ENOX1: variants seen among roughly 807,000 people sequenced by gnomAD.
ENOX1 encodes candidate growth-related and time keeping constitutive hydroquinone (NADH) oxidase.
Under a neutral mutation model 82.5 loss-of-function variants are expected in ENOX1, and 42 were observed. The ratio of observed to expected loss-of-function variants is 0.51; its 90% CI spans 0.40 to 0.66. The LOEUF (loss-of-function observed/expected upper bound fraction) is 0.66. ENOX1 is among the 30% of genes least tolerant of loss of function. The probability of loss-of-function intolerance (pLI) is 0.00; values close to 1 mark genes in which losing one functional copy is unlikely to be tolerated. For missense variants in ENOX1, 608 were observed against 811.6 expected, an observed-to-expected ratio of 0.75 and a Z score of 3.05; for synonymous variants, 271 against 282.2, an observed-to-expected ratio of 0.96 and a Z score of 0.40.
At chr13:43,630,951 A>G (rs561058293) in intron 2 of ENOX1, among the ~76,000 whole-genome samples, 3 of 146,410 alleles carry the variant, frequency 2.0e-5, no homozygotes, top group East Asian at 2.0e-4. Context: ...GTGTGTGTGT[A>G]TGTAATACAT....
At chr13:43,668,411 C>CGAAT (rs1262804408) in intron 1 of ENOX1, among the ~76,000 whole-genome samples, 1 of 152,148 alleles carries the variant, frequency 6.6e-6, no homozygotes, top group Non-Finnish European at 1.5e-5. Flanking sequence ...AATCACAATT[C>CGAAT]CTCTATTATA....
chr13:43,542,071 C>T (rs2078755084), intron 2 of ENOX1, among the ~76,000 whole-genome samples: 1 of 152,192 alleles, frequency 6.6e-6, no homozygotes, highest in Non-Finnish European at 1.5e-5. Context: ...GATACACTTC[C>T]CTCAACTGCA....
At chr13:43,596,159 C>T (rs928751176) in intron 2 of ENOX1, among the ~76,000 whole-genome samples, 80 of 152,186 alleles carry the variant, frequency 5.3e-4, no homozygotes, top group Admixed American at 3.3e-4. Flanking sequence ...ATTATACATT[C>T]ACATCTGGCT....
intron 5 of ENOX1, among the ~76,000 whole-genome samples, chr13:43,387,915 T>C (rs1442209298): frequency 6.6e-6 from 1 of 152,010 alleles, no homozygotes; most frequent in Non-Finnish European, 1.5e-5. Context: ...GTATAGGAGG[T>C]AAAATTGGAT....
chr13:43,462,884 T>TA (rs5803178), intron 3 of ENOX1, among the ~76,000 whole-genome samples: 72,575 of 151,526 alleles, frequency 0.48, 17,852 homozygotes, highest in African/African-American at 0.53. Flanking sequence ...CTCTGGCAAT[T>TA]AAAAAAAAAT....
At chr13:43,606,832 T>C (rs1462809456) in intron 2 of ENOX1, among the ~76,000 whole-genome samples, 1 of 151,980 alleles carries the variant, frequency 6.6e-6, no homozygotes, top group Non-Finnish European at 1.5e-5. Context: ...CTGGGCCACA[T>C]GGGAAAACCC....
At chr13:43,423,195 C>CG (rs1169652569) in intron 3 of ENOX1, among the ~76,000 whole-genome samples, 5 of 152,130 alleles carry the variant, frequency 3.3e-5, no homozygotes, top group Non-Finnish European at 7.3e-5. Flanking sequence ...AATGGCTCAA[C>CG]TCCTTCCCCT....
At chr13:43,214,144 A>T in intron 16 of ENOX1, 23 bp from the exon 17 acceptor site, 2 of 1,609,196 alleles carry the variant, frequency 1.2e-6, no homozygotes, top group Non-Finnish European at 1.7e-6. Flanking sequence ...AAGGAAAGTC[A>T]CTTTGGGGAA....
At chr13:43,422,474 T>C (rs1290189862) in intron 3 of ENOX1, among the ~76,000 whole-genome samples, 1 of 152,200 alleles carries the variant, frequency 6.6e-6, no homozygotes, top group Non-Finnish European at 1.5e-5. Context: ...AATTCCATTA[T>C]TGGTTTGTGA....
At chr13:43,674,329 A>G (rs1482962242) in intron 1 of ENOX1, among the ~76,000 whole-genome samples, 1 of 152,208 alleles carries the variant, frequency 6.6e-6, no homozygotes, top group Non-Finnish European at 1.5e-5. Flanking sequence ...AATAGGTGCT[A>G]TGAAGAAAAT....
At chr13:43,325,119 T>A (rs1270828842) in intron 10 of ENOX1, among the ~76,000 whole-genome samples, 1 of 152,182 alleles carries the variant, frequency 6.6e-6, no homozygotes, top group African/African-American at 2.4e-5. Flanking sequence ...TTTTTTTTAA[T>A]CTTGAAAATC....
intron 2 of ENOX1, among the ~76,000 whole-genome samples, chr13:43,502,990 A>AACAATAAATTT (rs2077035437): frequency 6.6e-6 from 1 of 151,672 alleles, no homozygotes; most frequent in Admixed American, 6.6e-5. Context: ...TACACACAGA[A>AACAATAAATTT]AGTGTTATAA....
intron 1 of ENOX1, among the ~76,000 whole-genome samples, chr13:43,721,105 G>A (rs1303896725): frequency 6.6e-6 from 1 of 152,134 alleles, no homozygotes; most frequent in African/African-American, 2.4e-5. Flanking sequence ...CACATACCAA[G>A]AAGTGAAATA....
At chr13:43,329,210 T>C (rs2048287833) in intron 9 of ENOX1, among the ~76,000 whole-genome samples, 1 of 152,148 alleles carries the variant, frequency 6.6e-6, no homozygotes, top group Non-Finnish European at 1.5e-5. Flanking sequence ...GTGTTAGGTA[T>C]GAATCAAGAG....
chr13:43,733,993 A>G (rs1208084666), intron 1 of ENOX1, among the ~76,000 whole-genome samples: 2 of 152,130 alleles, frequency 1.3e-5, no homozygotes. Context: ...GAAAAGAAAG[A>G]AGAAGAGATA....
At chr13:43,420,138 C>G (rs2054887812) in intron 3 of ENOX1, among the ~76,000 whole-genome samples, 1 of 152,172 alleles carries the variant, frequency 6.6e-6, no homozygotes, top group Non-Finnish European at 1.5e-5. Flanking sequence ...AAGGAAATAC[C>G]TAACTTCGAT....
At chr13:43,578,480 T>C (rs2080545709) in intron 2 of ENOX1, among the ~76,000 whole-genome samples, 1 of 152,230 alleles carries the variant, frequency 6.6e-6, no homozygotes, top group Non-Finnish European at 1.5e-5. Flanking sequence ...ATACTTAATA[T>C]ACTTAATGAC....
chr13:43,472,448 C>T (rs2058109537), intron 3 of ENOX1, among the ~76,000 whole-genome samples: 1 of 151,944 alleles, frequency 6.6e-6, no homozygotes, highest in Non-Finnish European at 1.5e-5. Flanking sequence ...TTTAAAAAAC[C>T]CCATAAGGCA....
intron 5 of ENOX1, among the ~76,000 whole-genome samples, chr13:43,380,441 A>T (rs1428556627): frequency 2.0e-5 from 3 of 151,748 alleles, no homozygotes; most frequent in Admixed American, 1.3e-4. Context: ...CCAACAAAGG[A>T]GATAAAATTG....
Sources: allele counts gnomAD v4.1 joint callset (sites outside exome capture counted in the v4.1 genomes callset), GRCh38; gene constraint gnomAD v4.1.1; transcripts MANE v1.5; gene names NCBI Gene and HGNC (gene_info 2026-07-23, HGNC 2026-07-21).